MPP7: variants seen among roughly 807,000 people sequenced by gnomAD.
MPP7 encodes the protein MAGUK p55 scaffold protein 7.
MPP7 carries 60 observed loss-of-function variants against 76.5 expected under a neutral mutation model. The observed-to-expected ratio is 0.78, with a 90% CI of 0.64 to 0.97. The LOEUF (loss-of-function observed/expected upper bound fraction) is 0.97. Ranked by LOEUF, MPP7 falls within the 50% of genes least tolerant of loss-of-function variation. The pLI is 0.00. For synonymous variants in MPP7, 237 were observed against 244.5 expected (o/e 0.97, Z 0.29); for missense variants, 641 against 694.0 (o/e 0.92, Z 0.86).
chr10:28,282,900 T>G (rs1283843501), intron 1 of MPP7, among the ~76,000 whole-genome samples: 2 of 151,958 alleles, frequency 1.3e-5, no homozygotes, highest in African/African-American at 2.4e-5. Context: ...TTCTATAGCC[T>G]GTGTCTCAAC....
intron 1 of MPP7, among the ~76,000 whole-genome samples, chr10:28,297,941 G>T (rs1841072458): frequency 6.6e-6 from 1 of 152,142 alleles, no homozygotes; most frequent in Admixed American, 6.5e-5. Context: ...CACTTTCTTT[G>T]CTCATTCAGA....
chr10:28,294,338 A>G (rs1488022446), intron 1 of MPP7, among the ~76,000 whole-genome samples: 1 of 152,174 alleles, frequency 6.6e-6, no homozygotes, highest in East Asian at 1.9e-4. Flanking sequence ...CATCAAATAC[A>G]AAGTTGTCAT....
rs567145331 is a variant in MPP7, at chr10:28,186,664, C to A, written c.156+15489G>T. Among the ~76,000 whole-genome samples, 7 of 152,314 alleles carry A rather than the reference C, an allele frequency of 4.6e-5. No homozygotes were observed. In the East Asian group the frequency reaches 1.4e-3, roughly 29 times the overall value. On this transcript the variant is annotated intron_variant, in intron 3 of 16. Transcript: ENST00000683449. Reference sequence around the variant, plus strand: ...TGTGGCAATAGGACGTGAAGTGCCACCTGTCATGGCATTAAAGCCAGATAT... The same window carrying A: ...TGTGGCAATAGGACGTGAAGTGCCAACTGTCATGGCATTAAAGCCAGATAT...
upstream of MPP7, among the ~76,000 whole-genome samples, chr10:28,308,056 C>G (rs61845944): frequency 6.6e-6 from 1 of 152,212 alleles, no homozygotes; most frequent in South Asian, 2.1e-4. Flanking sequence ...CTCGCTTTCT[C>G]ATTCCCTGCC....
chr10:28,270,544 A>AGG (rs1840293739), intron 1 of MPP7, among the ~76,000 whole-genome samples: 1 of 17,996 alleles, frequency 5.6e-5, no homozygotes, highest in Non-Finnish European at 9.6e-5. Flanking sequence ...GGGGGGGGGG[A>AGG]GGAGGGGAGC....
chr10:28,225,207 A>T (rs1006280204), intron 2 of MPP7, among the ~76,000 whole-genome samples: 1 of 152,234 alleles, frequency 6.6e-6, no homozygotes, highest in African/African-American at 2.4e-5. Context: ...ATTTGAACTA[A>T]GACCATAAAA....
At chr10:28,292,415 G>C (rs556147198) in intron 1 of MPP7, among the ~76,000 whole-genome samples, 5 of 151,598 alleles carry the variant, frequency 3.3e-5, no homozygotes, top group African/African-American at 1.2e-4. Context: ...CTGAACTAGG[G>C]TCTCTTACTG....
At chr10:28,317,664 T>C (rs1350463732) in intron 2 of MPP7, among the ~76,000 whole-genome samples, 2 of 152,234 alleles carry the variant, frequency 1.3e-5, no homozygotes, top group Non-Finnish European at 2.9e-5. Flanking sequence ...AAGTCTAAAG[T>C]AGTCACATGT....
intron 11 of MPP7, among the ~76,000 whole-genome samples, chr10:28,102,840 C>T (rs1853888279): frequency 6.6e-6 from 1 of 152,160 alleles, no homozygotes; most frequent in South Asian, 2.1e-4. Flanking sequence ...ACAGGAGCTC[C>T]CTGCTTCTGC....
Position 28,054,092 on chromosome 10 carries a change from C to T in MPP7, c.1704G>A (p.Trp568Ter), listed in dbSNP as rs1346373234. The change falls in exon 17 of 17, where the codon TGG becomes TGA. Residue 568 changes from tryptophan (W) to a stop codon, truncating the protein, a stop_gained. Coordinates refer to ENST00000683449, the MANE Select transcript of MPP7 (RefSeq NM_001318170.2). LOFTEE classifies it high-confidence loss of function. The stretch of plus-strand genomic sequence containing the variant: ...ATGAATGTAACCAGCTCACTGGCAC[C>T]CAATGGGTCTCTGTCTCTAATTTGT... ...TFDKLETETHWVPVSWLHS is the reference protein window; with the variant it reads ...TFDKLETETH 1 of 1,613,712 alleles carries T rather than the reference C, an allele frequency of 6.2e-7. No individual in the cohort carries two copies. The highest frequency in any genetic ancestry group is 1.7e-5 in the Admixed American group (1 of 59,974).
chr10:28,072,133 G>C lies in MPP7; in HGVS notation c.1124-2281C>G, dbSNP rs138101031. 4.7e-3 allele frequency among the ~76,000 whole-genome samples: 711 copies of C among 152,234 alleles called. 8 individuals are homozygous for C. The highest frequency in any genetic ancestry group is 5.3e-3 in the Non-Finnish European group (360 of 68,014). ...TACTAAAAATACAAAAATTAGCCAG[G>C]CATGGTGGCAGGCACCTGTAGTCCC... On this transcript the variant is annotated intron_variant, in intron 12 of 16. Coordinates refer to ENST00000683449, the MANE Select transcript of MPP7 (RefSeq NM_001318170.2).
intron 1 of MPP7, among the ~76,000 whole-genome samples, chr10:28,273,499 C>G: frequency 6.6e-6 from 1 of 152,306 alleles, no homozygotes; most frequent in East Asian, 1.9e-4. Flanking sequence ...AGCAATTGCT[C>G]GGCGTAGCCT....
At position 28,056,586 on chromosome 10, in the gene MPP7, T is replaced by C. The variant is rs374689576; in HGVS notation, c.1445A>G (p.Tyr482Cys). Reference protein sequence around the residue: ...KHLRTLEFKPYVIFIKPPSIE... With the variant: ...KHLRTLEFKPCVIFIKPPSIE... Reference sequence around the variant, plus strand: ...TGATGGAGGCTTTATAAATATCACATAGGGCTTAAATTCTAGTGTCCTTAA... The same window carrying C: ...TGATGGAGGCTTTATAAATATCACACAGGGCTTAAATTCTAGTGTCCTTAA... The change falls in exon 16 of 17, where the codon TAT becomes TGT. Residue 482 changes from tyrosine to cysteine, a missense_variant. Transcript: ENST00000683449. The C allele has an allele frequency of 1.9e-6, 3 of 1,607,022 alleles. No homozygotes were observed. The highest frequency in any genetic ancestry group is 2.5e-6 in the Non-Finnish European group (3 of 1,178,502).
chr10:28,233,067 T>C (rs1838942649), intron 2 of MPP7, among the ~76,000 whole-genome samples: 1 of 152,162 alleles, frequency 6.6e-6, no homozygotes, highest in Non-Finnish European at 1.5e-5. Context: ...AGTATGGCAC[T>C]ATCCCGGGAA....
At position 28,218,502 on chromosome 10, in the gene MPP7, G is replaced by A. The variant is rs758429736; in HGVS notation, c.38-16231C>T. 7.2e-5 allele frequency among the ~76,000 whole-genome samples: 11 copies of A among 152,066 alleles called. No homozygotes were observed. In the East Asian group the frequency reaches 7.7e-4, roughly 11 times the overall value. On this transcript the variant is annotated intron_variant, in intron 2 of 16. Coordinates refer to ENST00000683449, the MANE Select transcript of MPP7 (RefSeq NM_001318170.2). ...AAAGATTGGCTAACTAATGTTAAAC[G>A]GAGGCAGAAATATCTCCCTTAAAGT...
intron 3 of MPP7, among the ~76,000 whole-genome samples, chr10:28,171,213 A>G (rs1187125815): frequency 6.6e-6 from 1 of 152,224 alleles, no homozygotes; most frequent in African/African-American, 2.4e-5. Flanking sequence ...AGGCGTTGAC[A>G]TTAAACAACT....
intron 3 of MPP7, among the ~76,000 whole-genome samples, 162 bp from the exon 4 acceptor site, chr10:28,150,221 A>G (rs1233383196): frequency 6.6e-6 from 1 of 152,216 alleles, no homozygotes; most frequent in Non-Finnish European, 1.5e-5. Context: ...TGCTAATATA[A>G]ACCCATAGGT....
chr10:28,166,359 T>G (rs970546248), intron 3 of MPP7, among the ~76,000 whole-genome samples: 1 of 149,990 alleles, frequency 6.7e-6, no homozygotes, highest in Non-Finnish European at 1.5e-5. Flanking sequence ...TCCTCCATCC[T>G]CCAAGAAATA....
At chr10:28,118,731 C>T in intron 11 of MPP7, 2 of 985,390 alleles carry the variant, frequency 2.0e-6, no homozygotes, top group Non-Finnish European at 2.4e-6. Context: ...TAAGCATTTG[C>T]CTGCTTGTGA....
Sources: gnomAD v4.1 joint callset for allele counts (sites outside exome capture counted in the v4.1 genomes callset) on GRCh38, gnomAD v4.1.1 for gene constraint, MANE v1.5 for transcripts, NCBI Gene and HGNC (gene_info 2026-07-23, HGNC 2026-07-21) for gene names.